The following CPPED1 variants were observed in gnomAD, a reference collection of about 807,000 sequenced individuals.
CPPED1 encodes serine/threonine-protein phosphatase CPPED1.
In CPPED1, 28 loss-of-function variants were observed where a neutral mutation model predicts 28.0. The observed-to-expected ratio is 1.00, with a 90% CI of 0.74 to 1.37. The LOEUF is 1.37. Among genes scored for constraint, CPPED1 ranks in the 40% most tolerant of loss-of-function variants. CPPED1 has a pLI of 0.00. For synonymous variants in CPPED1, 198 were observed against 180.2 expected (o/e 1.10, Z -0.79); for missense variants, 504 against 416.5 (o/e 1.21, Z -1.83).
chr16:12,789,770 G>A lies in CPPED1; in HGVS notation c.71-8367C>T, dbSNP rs190414436. Among the ~76,000 whole-genome samples the A allele has an allele frequency of 2.2e-4, 34 of 152,156 alleles. No homozygotes were observed. The East Asian group carries it at 6.2e-3, about 28-fold the overall frequency. On this transcript the variant is annotated intron_variant, in intron 1 of 3. Coordinates refer to ENST00000381774, the MANE Select transcript of CPPED1 (RefSeq NM_018340.3). ...TAGAACTCCTGAGCTCGAGTGATCA[G>A]CTCACCTTGACCTCCCAAGGTGCTA...
chr16:12,670,914 G>C lies in CPPED1; in HGVS notation c.716-5799C>G, dbSNP rs2079849914. On this transcript the variant is annotated intron_variant, in intron 3 of 3. Transcript: ENST00000381774. The surrounding 1 kb of genome is among the most constrained non-coding windows in gnomAD (Gnocchi z 4.2). ...CGCCCATGCTGAAGTACAGTGGTGCGATCTCGGCTCACTGCAAACTCCGCC... is the reference window on the plus strand; with the variant it reads ...CGCCCATGCTGAAGTACAGTGGTGCCATCTCGGCTCACTGCAAACTCCGCC... 6.6e-6 allele frequency among the ~76,000 whole-genome samples: 1 copy of C among 152,016 alleles called. No homozygotes were observed. Among genetic ancestry groups the C allele is most frequent in the Admixed American group, 6.6e-5 (1 of 15,256 alleles).
At chr16:12,788,254 A>G (rs2080576084) in intron 1 of CPPED1, among the ~76,000 whole-genome samples, 1 of 152,216 alleles carries the variant, frequency 6.6e-6, no homozygotes, top group Non-Finnish European at 1.5e-5. Flanking sequence ...CCTTAAGGGC[A>G]GGGGATCACA....
chr16:12,698,217 C>A (rs2080002068), intron 3 of CPPED1, among the ~76,000 whole-genome samples: 1 of 152,086 alleles, frequency 6.6e-6, no homozygotes, highest in Non-Finnish European at 1.5e-5. Context: ...TTCCATTGAC[C>A]ACTATTCACC....
At chr16:12,747,232 C>T (rs1853923966) in intron 2 of CPPED1, among the ~76,000 whole-genome samples, 1 of 151,688 alleles carries the variant, frequency 6.6e-6, no homozygotes, top group African/African-American at 2.4e-5. Flanking sequence ...GAATATAAGA[C>T]CAGCCTGGGC....
At chr16:12,715,210 G>C (rs376761642) in intron 2 of CPPED1, among the ~76,000 whole-genome samples, 1 of 152,146 alleles carries the variant, frequency 6.6e-6, no homozygotes, top group South Asian at 2.1e-4. Flanking sequence ...TAGTAAGTTT[G>C]AAATCAGAAA....
intron 2 of CPPED1, among the ~76,000 whole-genome samples, chr16:12,737,679 A>C (rs2080233705): frequency 6.6e-6 from 1 of 152,212 alleles, no homozygotes; most frequent in African/African-American, 2.4e-5. Flanking sequence ...GAATTCTAGG[A>C]ACTGTGTGAG....
chr16:12,695,682 G>A (rs1596449319), intron 3 of CPPED1, among the ~76,000 whole-genome samples: 1 of 152,278 alleles, frequency 6.6e-6, no homozygotes, highest in East Asian at 1.9e-4. Flanking sequence ...CCAATCACAG[G>A]CAGTCAACTG....
chr16:12,749,875 G>A (rs1183354959), intron 2 of CPPED1, among the ~76,000 whole-genome samples: 1 of 152,100 alleles, frequency 6.6e-6, no homozygotes, highest in African/African-American at 2.4e-5. Context: ...CATGCATGAG[G>A]CACCGCGCCT....
At chr16:12,712,015 C>T (rs2080082716) in intron 2 of CPPED1, among the ~76,000 whole-genome samples, 1 of 152,148 alleles carries the variant, frequency 6.6e-6, no homozygotes, top group Admixed American at 6.5e-5. Context: ...GCCCCCAGTG[C>T]CGCTGCTACT....
At chr16:12,723,185 G>C (rs946837947) in intron 2 of CPPED1, among the ~76,000 whole-genome samples, 5 of 152,196 alleles carry the variant, frequency 3.3e-5, no homozygotes, top group African/African-American at 1.2e-4. Context: ...CATGCACACA[G>C]GGTGTCATTC....
intron 2 of CPPED1, among the ~76,000 whole-genome samples, chr16:12,762,480 G>C (rs182475804): frequency 1.3e-4 from 20 of 152,300 alleles, no homozygotes; most frequent in African/African-American, 4.3e-4. Flanking sequence ...AGTAGCAGTA[G>C]ATAGATAAAA....
In CPPED1 at chr16:12,704,858, G is replaced by A; in HGVS notation, c.481C>T (p.Leu161=). The A allele has an allele frequency of 6.2e-7, 1 of 1,614,218 alleles. No homozygotes were observed. Among genetic ancestry groups the A allele is most frequent in the Non-Finnish European group, 8.5e-7 (1 of 1,180,032 alleles). Residue 161 remains leucine (L), a synonymous_variant, in exon 3 of 4, where the codon CTG becomes TTG. Coordinates refer to ENST00000381774, the MANE Select transcript of CPPED1 (RefSeq NM_018340.3). Reference sequence around the variant, plus strand: ...TCGTAGAACTGGGAGTTGAGGACCAGGAACAGGACGCCCCCGACCCAGAAG... The same window carrying A: ...TCGTAGAACTGGGAGTTGAGGACCAAGAACAGGACGCCCCCGACCCAGAAG... ...FSFWVGGVLF[L]VLNSQFYENP... is the part of the protein sequence containing the mutation.
intron 2 of CPPED1, among the ~76,000 whole-genome samples, chr16:12,778,709 G>C (rs972695640): frequency 1.3e-5 from 2 of 152,222 alleles, no homozygotes; most frequent in Non-Finnish European, 2.9e-5. Context: ...GTCTAACCCT[G>C]TCTATGAGCT....
intron 2 of CPPED1, among the ~76,000 whole-genome samples, chr16:12,719,892 T>C (rs140718917): frequency 0.034 from 5,171 of 151,890 alleles, 131 homozygotes; most frequent in East Asian, 0.1. Flanking sequence ...GCTGAGATCA[T>C]GCCACTGTAC....
Position 12,691,929 on chromosome 16 carries a change from A to G in CPPED1, c.715+12695T>C, listed in dbSNP as rs554981515. Among the ~76,000 whole-genome samples the G allele has an allele frequency of 1.4e-3, 212 of 151,976 alleles. 1 individual carries two copies. Among genetic ancestry groups the G allele is most frequent in the African/African-American group, 4.9e-3 (202 of 41,390 alleles). On this transcript the variant is annotated intron_variant, in intron 3 of 3. Transcript: ENST00000381774. ...GTATACGTATGTAACAAACCTGCAC[A>G]TTGTTCACATGTACCCTAAAACTTA...
chr16:12,750,911 C>T (rs1567295515), intron 2 of CPPED1, among the ~76,000 whole-genome samples: 1 of 151,746 alleles, frequency 6.6e-6, no homozygotes, highest in East Asian at 1.9e-4. Flanking sequence ...GAGGTTGCAG[C>T]GAGCCAAGAC....
intron 2 of CPPED1, among the ~76,000 whole-genome samples, chr16:12,711,573 C>T (rs762255254): frequency 3.9e-5 from 6 of 152,144 alleles, no homozygotes; most frequent in African/African-American, 1.4e-4. Flanking sequence ...CCAGGTTGGG[C>T]TGTTGAGAGG....
At chr16:12,706,148 G>T (rs2080049080) in intron 2 of CPPED1, among the ~76,000 whole-genome samples, 1 of 151,992 alleles carries the variant, frequency 6.6e-6, no homozygotes, top group East Asian at 1.9e-4. Context: ...AATGCTATGA[G>T]AAAATCTTTA....
chr16:12,734,074 T>G (rs1349082565), intron 2 of CPPED1, among the ~76,000 whole-genome samples: 1 of 125,388 alleles, frequency 8.0e-6, no homozygotes, highest in South Asian at 2.9e-4. Flanking sequence ...TTTTTTTTTT[T>G]TTTTTTTTTT....
Sources: gnomAD v4.1 joint callset for allele counts (sites outside exome capture counted in the v4.1 genomes callset) on GRCh38, gnomAD v4.1.1 for gene constraint, Gnocchi (gnomAD v3.1) non-coding constraint, MANE v1.5 for transcripts, NCBI Gene and HGNC (gene_info 2026-07-23, HGNC 2026-07-21) for gene names.